NMRAL1: variants seen among roughly 807,000 people sequenced by gnomAD.
NMRAL1 encodes the protein nmrA-like family domain-containing protein 1.
In NMRAL1, 32 loss-of-function variants were observed where a neutral mutation model predicts 27.5. That is an observed-to-expected ratio of 1.16 (90% confidence interval 0.88 to 1.56). The LOEUF (loss-of-function observed/expected upper bound fraction) is 1.56, where lower values mean the gene tolerates loss of function less well. NMRAL1 is among the 40% of genes most tolerant of loss of function. The pLI, the probability that NMRAL1 is intolerant of heterozygous loss-of-function variation, is 0.00. For synonymous variants in NMRAL1, 166 were observed against 166.8 expected, an observed-to-expected ratio of 1.00 and a Z score of 0.04; for missense variants, 420 against 392.0, an observed-to-expected ratio of 1.07 and a Z score of -0.60.
chr16:4,464,767 G>A lies in NMRAL1; in HGVS notation c.530-917C>T, dbSNP rs7204093. ...GTAGCTGGGACTACAGGCGCCTGCC[G>A]CCACACCCGGCTAAGTTTTTGTATT... is the stretch of plus-strand genomic sequence containing the variant. On this transcript the variant is annotated intron_variant, in intron 4 of 5. Coordinates refer to ENST00000283429, the MANE Select transcript of NMRAL1 (RefSeq NM_020677.6). Among the ~76,000 whole-genome samples, 1,203 of 145,140 alleles carry A rather than the reference G, an allele frequency of 8.3e-3. 15 individuals carry two copies. Among genetic ancestry groups the A allele is most frequent in the African/African-American group, 0.029 (1,144 of 39,040 alleles).
chr16:4,462,078 C>T (rs914294594), intron 5 of NMRAL1, 119 bp from the exon 6 acceptor site: 28 of 795,882 alleles, frequency 3.5e-5, no homozygotes, highest in Non-Finnish European at 4.7e-5. Context: ...ACTATTGTCT[C>T]GGTCCCTGAC....
intron 2 of NMRAL1, among the ~76,000 whole-genome samples, chr16:4,472,562 G>T (rs1388204137): frequency 6.6e-6 from 1 of 152,120 alleles, no homozygotes; most frequent in Non-Finnish European, 1.5e-5. Flanking sequence ...CTGGCCACAT[G>T]GCAAAACCCC....
rs541826804 is a variant in NMRAL1, at chr16:4,468,560, G to A, written c.279+667C>T. Among the ~76,000 whole-genome samples the A allele has an allele frequency of 9.3e-5, 14 of 150,612 alleles. No individual in the cohort carries two copies. The East Asian group carries it at 2.7e-3, about 29-fold the overall frequency. On this transcript the variant is annotated intron_variant, in intron 3 of 5. Transcript: ENST00000283429. ...GAATCTGGGAGGCAGAGGTTGCAGT[G>A]AGCCGAGATCACCCCACTGCACTCC...
intron 3 of NMRAL1, among the ~76,000 whole-genome samples, chr16:4,467,388 C>G (rs2057370477): frequency 6.6e-6 from 1 of 151,956 alleles, no homozygotes; most frequent in Non-Finnish European, 1.5e-5. Context: ...TGCCCGCCAC[C>G]ATGCCTGGCT....
chr16:4,466,371 A>G lies in NMRAL1; in HGVS notation c.311T>C (p.Leu104Pro), dbSNP rs368229713. Residue 104 changes from leucine (L) to proline (P), a missense_variant, in exon 4 of 6, where the codon CTG (leucine) becomes CCG (proline). Physicochemically the swap from Leu to Pro is moderately conservative, Grantham distance 98 (BLOSUM62 -3). Transcript: ENST00000283429. ...GCTGTAGACCACATAGTGGAGGCCC[A>G]GGCGCCTGGCCAGATCAGCGAGCAG... is the stretch of plus-strand genomic sequence containing the variant. ...GKLLADLARR[L>P]GLHYVVYSGL... 6.2e-7 allele frequency: 1 copy of G among 1,612,960 alleles called. No individual in the cohort carries two copies. Among genetic ancestry groups the G allele is most frequent in the Non-Finnish European group, 8.5e-7 (1 of 1,179,990 alleles).
At chr16:4,472,960 G>A in intron 2 of NMRAL1, among the ~76,000 whole-genome samples, 1 of 151,416 alleles carries the variant, frequency 6.6e-6, no homozygotes, top group Admixed American at 6.6e-5. Context: ...ACTGTTCACG[G>A]GTTCATGGAG....
In NMRAL1 at chr16:4,463,687, G is replaced by A; in HGVS notation, c.693C>T (p.His231=). The A allele has an allele frequency of 1.2e-6, 2 of 1,613,984 alleles. No homozygotes were observed. Among genetic ancestry groups the A allele is most frequent in the Non-Finnish European group, 1.7e-6 (2 of 1,180,030 alleles). ...AEEYAALLTK[H]TRKVVHDAKM... is the part of the protein sequence containing the mutation. Reference sequence around the variant, plus strand: ...TGGCATCGTGCACGACCTTGCGGGTGTGCTTGGTGAGCAGGGCAGCGTACT... The same window carrying A: ...TGGCATCGTGCACGACCTTGCGGGTATGCTTGGTGAGCAGGGCAGCGTACT... The change falls in exon 5 of 6, where the codon CAC becomes CAT. Residue 231 remains histidine, a synonymous_variant. Coordinates refer to ENST00000283429, the MANE Select transcript of NMRAL1 (RefSeq NM_020677.6).
chr16:4,473,190 A>G (rs2057657588), intron 2 of NMRAL1, among the ~76,000 whole-genome samples: 1 of 151,986 alleles, frequency 6.6e-6, no homozygotes, highest in Non-Finnish European at 1.5e-5. Context: ...GCTGGTCTCA[A>G]ACACCTCAGC....
chr16:4,468,043 C>T (rs563504922), intron 3 of NMRAL1, among the ~76,000 whole-genome samples: 1 of 152,086 alleles, frequency 6.6e-6, no homozygotes, highest in East Asian at 2.0e-4. Context: ...CTCATGCCCG[C>T]AGTCCCAGCA....
At position 4,469,308 on chromosome 16, in the gene NMRAL1, C is replaced by G; in HGVS notation, c.198G>C (p.Glu66Asp). 1.2e-6 allele frequency: 2 copies of G among 1,614,140 alleles called. No homozygotes were observed. The highest frequency in any genetic ancestry group is 1.7e-6 in the Non-Finnish European group (2 of 1,179,966). The change falls in exon 3 of 6, where the codon GAG (glutamate) becomes GAC (aspartate). Residue 66 changes from glutamate to aspartate, a missense_variant. Physicochemically the swap from Glu to Asp is conservative, Grantham distance 45. Coordinates refer to ENST00000283429, the MANE Select transcript of NMRAL1 (RefSeq NM_020677.6). ...TGGCGTAAGCCCCATTCAGGGCCAG[C>G]TCCATGATGACCTGGTCATCTTGGT... ...QGDQDDQVIM[E>D]LALNGAYATF...
intron 5 of NMRAL1, 141 bp from the exon 6 acceptor site, chr16:4,462,100 G>A (rs78891395): frequency 0.013 from 8,432 of 672,670 alleles, 75 homozygotes; most frequent in Non-Finnish European, 0.017. Flanking sequence ...CAGGTCCTCC[G>A]TACAAGGTCA....
In NMRAL1 at chr16:4,461,903, G is replaced by A. The variant is rs1285939586; in HGVS notation, c.777C>T (p.Asn259=). ...LGFPGARDLA[N]MFRFYALRPD... ...GTCTCAGGGCATAGAAACGGAACAT[G>A]TTGGCCAGGTCCCGGGCACCGGGAA... The change falls in exon 6 of 6, where the codon AAC becomes AAT. Residue 259 remains asparagine, a synonymous_variant. Coordinates refer to ENST00000283429, the MANE Select transcript of NMRAL1 (RefSeq NM_020677.6). 1 of 1,614,102 alleles carries A rather than the reference G, an allele frequency of 6.2e-7. No individual in the cohort carries two copies. The highest frequency in any genetic ancestry group is 2.2e-5 in the East Asian group (1 of 44,890).
chr16:4,469,141 C>A, intron 3 of NMRAL1, 86 bp downstream of exon 3: 1 of 869,646 alleles, frequency 1.1e-6, no homozygotes, highest in South Asian at 1.4e-5. Flanking sequence ...CTGCAGTGCT[C>A]CAACCTCCCT....
At chr16:4,465,313 G>A (rs1211818077) in intron 4 of NMRAL1, among the ~76,000 whole-genome samples, 2 of 152,164 alleles carry the variant, frequency 1.3e-5, no homozygotes, top group African/African-American at 2.4e-5. Context: ...GCCCTTATGC[G>A]AGGGTGACCT....
chr16:4,469,244 C>G lies in NMRAL1; in HGVS notation c.262G>C (p.Glu88Gln), dbSNP rs765307367. ...GCCCTCACCTGCTTGACCTCCTGCT[C>G]CTGGCTGCAGCTCTCCCAGTAATTG... is the stretch of plus-strand genomic sequence containing the variant. ...VTNYWESCSQEQEVKQGKLLA... is the reference protein window; with the variant it reads ...VTNYWESCSQQQEVKQGKLLA... Residue 88 changes from glutamate to glutamine, a missense_variant, in exon 3 of 6, where the codon GAG becomes CAG. By Grantham distance (29) the Glu-to-Gln change is conservative. Coordinates refer to ENST00000283429, the MANE Select transcript of NMRAL1 (RefSeq NM_020677.6). 1 of 1,613,694 alleles carries G rather than the reference C, an allele frequency of 6.2e-7. No individual in the cohort carries two copies. Among genetic ancestry groups the G allele is most frequent in the Non-Finnish European group, 8.5e-7 (1 of 1,179,862 alleles).
At position 4,464,230 on chromosome 16, in the gene NMRAL1, C is replaced by T. The variant is rs974301536; in HGVS notation, c.530-380G>A. 8 of 260,860 alleles carry T rather than the reference C, an allele frequency of 3.1e-5. No homozygotes were observed. The South Asian group carries it at 4.1e-4, about 13-fold the overall frequency. 16.2% of individuals were successfully genotyped at this position (260,860 alleles called of 1,614,324 possible). ...GAGTGTGGCTGGAGCCCAGGGTCTC[C>T]GCTAATCTGGAGGCACCAGCCTGAA... On this transcript the variant is annotated intron_variant, in intron 4 of 5. Transcript: ENST00000283429.
chr16:4,462,066 C>T, intron 5 of NMRAL1, 107 bp from the exon 6 acceptor site: 3 of 889,276 alleles, frequency 3.4e-6, no homozygotes, highest in Non-Finnish European at 5.3e-6. Context: ...ACACCCAGAG[C>T]CACTATTGTC....
At chr16:4,464,000 G>T in intron 4 of NMRAL1, 150 bp from the exon 5 acceptor site, 1 of 595,466 alleles carries the variant, frequency 1.7e-6, no homozygotes, top group Non-Finnish European at 2.9e-6. Flanking sequence ...CTTGCTATTT[G>T]TGGTAGCACA....
chr16:4,463,123 G>A (rs1290510008), intron 5 of NMRAL1, among the ~76,000 whole-genome samples: 1 of 151,964 alleles, frequency 6.6e-6, no homozygotes, highest in Non-Finnish European at 1.5e-5. Flanking sequence ...CCAAAGTGCT[G>A]GGATTACAGG....
Sources: gnomAD v4.1 joint callset for allele counts (sites outside exome capture counted in the v4.1 genomes callset) on GRCh38, gnomAD v4.1.1 for gene constraint, MANE v1.5 for transcripts, NCBI Gene and HGNC (gene_info 2026-07-23, HGNC 2026-07-21) for gene names.